The following RNPC3 variants were observed in gnomAD, a reference collection of about 807,000 sequenced individuals.
The protein encoded by RNPC3 is RNA binding region (RNP1, RRM) containing 3, also known as RNA-binding region-containing protein 3.
Under a neutral mutation model 67.5 loss-of-function variants are expected in RNPC3, and 48 were observed. The observed-to-expected ratio is 0.71, with a 90% CI of 0.56 to 0.90. The LOEUF (loss-of-function observed/expected upper bound fraction) is 0.90, where lower values mean the gene tolerates loss of function less well. RNPC3 is among the 40% of genes least tolerant of loss of function. The pLI, the probability that RNPC3 is intolerant of heterozygous loss-of-function variation, is 0.00. For synonymous variants in RNPC3, 239 were observed against 210.3 expected (o/e 1.14, Z -1.18); for missense variants, 637 against 626.1 (o/e 1.02, Z -0.19).
At chr1:103,526,359 A>G in intron 1 of RNPC3, 97 bp downstream of exon 1, 2 of 1,019,368 alleles carry the variant, frequency 2.0e-6, no homozygotes, top group East Asian at 5.5e-5. Context: ...CGAGTGGGGA[A>G]GATGGACTTG....
At chr1:103,530,993 C>G (rs927830078) in intron 2 of RNPC3, among the ~76,000 whole-genome samples, 1 of 152,146 alleles carries the variant, frequency 6.6e-6, no homozygotes, top group Non-Finnish European at 1.5e-5. Context: ...CCCTCACCCC[C>G]ACTCCCAACA....
At chr1:103,551,209 C>T (rs1007435672) in intron 13 of RNPC3, 136 bp downstream of exon 13, 1 of 689,146 alleles carries the variant, frequency 1.5e-6, no homozygotes, top group African/African-American at 1.8e-5. Context: ...ACAATTAAAC[C>T]CACCTTACTG....
rs1328177432 is a variant in RNPC3 at position 103,527,807 on chromosome 1, A to G, written c.240+65A>G. 8 of 1,176,734 alleles carry G rather than the reference A, an allele frequency of 6.8e-6. No individual in the cohort carries two copies. In the African/African-American group the frequency reaches 1.2e-4, roughly 18 times the overall value. 72.9% of individuals were successfully genotyped at this position (1,176,734 alleles called of 1,614,324 possible). A position where few individuals can be genotyped will look rare whatever the true frequency, so the allele number is the denominator to read the frequency against. Reference sequence around the variant, plus strand: ...CCTCTTATACAATCTTGGTTCAGATAATGTTTAACTGTGGTTTTTAAGAAG... The same window carrying G: ...CCTCTTATACAATCTTGGTTCAGATGATGTTTAACTGTGGTTTTTAAGAAG... On this transcript the variant is annotated intron_variant, in intron 2 of 14. Transcript: ENST00000423855.
At position 103,538,145 on chromosome 1, in the gene RNPC3, C is replaced by T. The variant is rs548927963; in HGVS notation, c.767+661C>T. Among the ~76,000 whole-genome samples the T allele has an allele frequency of 5.3e-5, 8 of 152,128 alleles. No homozygotes were observed. The South Asian group carries it at 6.2e-4, about 12-fold the overall frequency. On this transcript the variant is annotated intron_variant, in intron 7 of 14. Transcript: ENST00000423855. ...CAGGCATTAGCCACGTGCCTGGCCT[C>T]GATGTACTTTTTAAAGTTTTTTTGT...
chr1:103,533,684 A>G lies in RNPC3; in HGVS notation c.241-55A>G. 7 of 960,738 alleles carry G rather than the reference A, an allele frequency of 7.3e-6. No individual in the cohort carries two copies. In the South Asian group the frequency reaches 8.9e-5, roughly 12 times the overall value. 59.5% of individuals were successfully genotyped at this position (960,738 alleles called of 1,614,324 possible). A position where few individuals can be genotyped will look rare whatever the true frequency, so the allele number is the denominator to read the frequency against. ...AAAAAAGTATAAAAATTGGTCTCTA[A>G]CGAATCATTTTTGGTACAATTGTGA... On this transcript the variant is annotated intron_variant, in intron 2 of 14. Transcript: ENST00000423855.
rs566889438 is a variant in RNPC3 at position 103,526,141 on chromosome 1, G to C, written c.71G>C (p.Arg24Pro). 8 of 1,551,272 alleles carry C rather than the reference G, an allele frequency of 5.2e-6. No individual in the cohort carries two copies. Among genetic ancestry groups the C allele is most frequent in the Admixed American group, 2.0e-5 (1 of 50,946 alleles). Residue 24 changes from arginine (R) to proline (P), a missense_variant, in exon 1 of 15, where the codon CGG becomes CCG. This residue lies in a region of RNPC3 where 536 missense variants were observed against 500.3 expected (regional missense o/e 1.07). Transcript: ENST00000423855. The stretch of plus-strand genomic sequence containing the variant: ...AGCTCCTCCTCGCTTTCCCCGCCTC[G>C]GGGCGACCGAACCCTTCTGGTCAGG... ...CTSSSSLSPP[R>P]GDRTLLVRHL... is the part of the protein sequence containing the mutation.
intron 10 of RNPC3, 50 bp from the exon 11 acceptor site, chr1:103,546,198 T>C: frequency 1.1e-6 from 1 of 882,504 alleles, no homozygotes; most frequent in South Asian, 2.4e-5. Context: ...CTTTAAAAAC[T>C]TGCTTAAAAT....
chr1:103,548,893 G>A (rs377617748), intron 12 of RNPC3, among the ~76,000 whole-genome samples: 5 of 152,288 alleles, frequency 3.3e-5, no homozygotes, highest in African/African-American at 1.2e-4. Flanking sequence ...GTGGCGGAGG[G>A]CAAGGAGGAG....
intron 2 of RNPC3, among the ~76,000 whole-genome samples, chr1:103,531,057 C>T (rs1369428585): frequency 6.6e-6 from 1 of 152,158 alleles, no homozygotes; most frequent in Non-Finnish European, 1.5e-5. Flanking sequence ...TTTGGGTCCT[C>T]ATAGCTTAGC....
intron 2 of RNPC3, among the ~76,000 whole-genome samples, chr1:103,530,641 G>T (rs907923311): frequency 6.6e-6 from 1 of 152,136 alleles, no homozygotes; most frequent in Admixed American, 6.5e-5. Context: ...GGGAGCCATT[G>T]GAGCAAGGGG....
At chr1:103,531,272 C>T (rs138764668) in intron 2 of RNPC3, among the ~76,000 whole-genome samples, 10,562 of 152,074 alleles carry the variant, frequency 0.069, 516 homozygotes, top group Middle Eastern at 0.12. Context: ...GGGCTGGTTC[C>T]GTATTTTTGC....
At position 103,551,793 on chromosome 1, in the gene RNPC3, G is replaced by C; in HGVS notation, c.*12+1G>C. 1 of 1,404,896 alleles carries C rather than the reference G, an allele frequency of 7.1e-7. No individual in the cohort carries two copies. Among genetic ancestry groups the C allele is most frequent in the South Asian group, 1.3e-5 (1 of 75,392 alleles). 87.0% of individuals were successfully genotyped at this position (1,404,896 alleles called of 1,614,324 possible). A position where few individuals can be genotyped will look rare whatever the true frequency, so the allele number is the denominator to read the frequency against. ...AAGAAAGTGTTAAAAATTAATAAAG[G>C]TAAGTGTGAATAAAACATAATAAAA... On this transcript the variant is annotated splice_donor_variant, in intron 14 of 14. Transcript: ENST00000423855. LOFTEE classifies it low-confidence loss of function (3UTR_SPLICE).
chr1:103,538,958 A>G (rs1335118115), intron 7 of RNPC3, among the ~76,000 whole-genome samples: 1 of 152,172 alleles, frequency 6.6e-6, no homozygotes, highest in African/African-American at 2.4e-5. Flanking sequence ...ATAGGTCCAA[A>G]GAGTAAATAT....
At chr1:103,532,865 T>A (rs1650892976) in intron 2 of RNPC3, among the ~76,000 whole-genome samples, 1 of 152,016 alleles carries the variant, frequency 6.6e-6, no homozygotes, top group Admixed American at 6.5e-5. Context: ...ATTAACCTGA[T>A]TGAAATAGGT....
intron 5 of RNPC3, 54 bp from the exon 6 acceptor site, chr1:103,536,072 A>C: frequency 7.7e-7 from 1 of 1,302,282 alleles, no homozygotes; most frequent in Non-Finnish European, 1.1e-6. Context: ...CATAAAATAC[A>C]AGATGTGAGT....
Position 103,526,293 on chromosome 1 carries a change from G to T in RNPC3, c.192+31G>T, listed in dbSNP as rs1474995752. On this transcript the variant is annotated intron_variant, in intron 1 of 14. Coordinates refer to ENST00000423855, the MANE Select transcript of RNPC3 (RefSeq NM_017619.4). ...GGCGCGCCCCTCCGGAGTCTCCCGG[G>T]AAGGCATTTGGGAAGTGACCGGGGA... The T allele has an allele frequency of 6.7e-7, 1 of 1,498,252 alleles. No individual in the cohort carries two copies. 92.8% of individuals were successfully genotyped at this position (1,498,252 alleles called of 1,614,324 possible).
chr1:103,554,025 A>G (rs537084676), intron 14 of RNPC3: 1 of 152,340 alleles, frequency 6.6e-6, no homozygotes, highest in African/African-American at 2.4e-5. Context: ...AGTGGTTCTC[A>G]GTCTTGGCTG....
chr1:103,537,231 T>TA (rs553487095), intron 6 of RNPC3, 111 bp from the exon 7 acceptor site: 48,929 of 630,758 alleles, frequency 0.078, 304 homozygotes, highest in African/African-American at 0.094. Flanking sequence ...TAGAATGTGT[T>TA]AAAAAAAAAA....
intron 11 of RNPC3, 68 bp from the exon 12 acceptor site, chr1:103,546,909 T>C (rs1651258665): frequency 1.3e-6 from 1 of 774,544 alleles, no homozygotes; most frequent in African/African-American, 1.8e-5. Flanking sequence ...TGCATTGATG[T>C]ATTTATTTAT....
Sources: allele counts gnomAD v4.1 joint callset (sites outside exome capture counted in the v4.1 genomes callset), GRCh38; gene constraint gnomAD v4.1.1; regional missense constraint gnomAD v4.1.1; transcripts MANE v1.5; gene names NCBI Gene and HGNC (gene_info 2026-07-23, HGNC 2026-07-21).